Variants in AGMO observed in about 807,000 individuals in gnomAD.
AGMO encodes glyceryl-ether monooxygenase.
AGMO carries 75 observed loss-of-function variants against 60.2 expected under a neutral mutation model. The ratio of observed to expected loss-of-function variants is 1.25; its 90% confidence interval spans 1.03 to 1.51. The LOEUF (loss-of-function observed/expected upper bound fraction) is 1.51, where lower values mean the gene tolerates loss of function less well. Ranked by LOEUF, AGMO falls within the 40% of genes most tolerant of loss-of-function variation. AGMO has a pLI of 0.00. For missense variants in AGMO, 763 were observed against 525.5 expected, an observed-to-expected ratio of 1.45 and a Z score of -4.42; for synonymous variants, 261 against 177.1, an observed-to-expected ratio of 1.47 and a Z score of -3.76.
At chr7:15,258,838 T>C (rs1783181901) in intron 12 of AGMO, among the ~76,000 whole-genome samples, 1 of 152,082 alleles carries the variant, frequency 6.6e-6, no homozygotes, top group African/African-American at 2.4e-5. Context: ...ATCACTACAG[T>C]TTGGCTCTCA....
chr7:15,129,243 G>A, the AGMO span, among the ~76,000 whole-genome samples: 1 of 142,128 alleles, frequency 7.0e-6, no homozygotes, highest in Non-Finnish European at 1.6e-5. Context: ...AGGGCTGGTT[G>A]CTACAGGGTT....
rs886197692 is a variant in AGMO at position 15,365,008 on chromosome 7, G to C, written c.1263+506C>G. Among the ~76,000 whole-genome samples the C allele has an allele frequency of 2.0e-5, 3 of 151,914 alleles. 1 individual carries two copies. In the South Asian group the frequency reaches 6.2e-4, roughly 31 times the overall value. Reference sequence around the variant, plus strand: ...CAAAAGTTCAATGCAGTTCTTGGAAGATAAGAATTAACCATCACAGAAGAA... The same window carrying C: ...CAAAAGTTCAATGCAGTTCTTGGAACATAAGAATTAACCATCACAGAAGAA... On this transcript the variant is annotated intron_variant, in intron 12 of 12. Transcript: ENST00000342526.
At chr7:15,381,327 T>C (rs1783675053) in intron 10 of AGMO, among the ~76,000 whole-genome samples, 1 of 151,742 alleles carries the variant, frequency 6.6e-6, no homozygotes, top group Admixed American at 6.6e-5. Context: ...TAAACACATT[T>C]ACAAGAAAAA....
At chr7:15,328,932 T>G (rs563648573) in intron 12 of AGMO, among the ~76,000 whole-genome samples, 1 of 152,162 alleles carries the variant, frequency 6.6e-6, no homozygotes, top group Non-Finnish European at 1.5e-5. Flanking sequence ...GGAAGCATCC[T>G]TGCCCTCTAC....
intron 3 of AGMO, among the ~76,000 whole-genome samples, chr7:15,465,242 C>T (rs1583580070): frequency 6.6e-6 from 1 of 151,810 alleles, no homozygotes; most frequent in East Asian, 2.0e-4. Flanking sequence ...CCATGCCACT[C>T]CCTCTCTTCT....
intron 3 of AGMO, among the ~76,000 whole-genome samples, chr7:15,450,714 C>G (rs1380761149): frequency 6.6e-6 from 1 of 152,012 alleles, no homozygotes; most frequent in African/African-American, 2.4e-5. Context: ...TACAATTTAG[C>G]AAATAATGTG....
At chr7:15,481,941 A>G (rs1782764314) in intron 3 of AGMO, among the ~76,000 whole-genome samples, 1 of 152,008 alleles carries the variant, frequency 6.6e-6, no homozygotes. Flanking sequence ...AAATTAAGCA[A>G]TGTAGTTGTA....
At chr7:15,152,803 G>T in the AGMO span, among the ~76,000 whole-genome samples, 3 of 152,088 alleles carry the variant, frequency 2.0e-5, no homozygotes, top group Non-Finnish European at 2.9e-5. Context: ...TGCTATAAAG[G>T]TGTGTATGCA....
the AGMO span, among the ~76,000 whole-genome samples, chr7:15,117,363 C>G: frequency 6.6e-6 from 1 of 151,992 alleles, no homozygotes; most frequent in Admixed American, 6.6e-5. Flanking sequence ...ATGTCCATAA[C>G]TGACTTGTAG....
At chr7:15,370,441 G>A (rs1373076166) in intron 10 of AGMO, among the ~76,000 whole-genome samples, 1 of 152,140 alleles carries the variant, frequency 6.6e-6, no homozygotes, top group African/African-American at 2.4e-5. Flanking sequence ...TCAAATGGTA[G>A]TTCTAAGTTC....
chr7:15,556,427 T>G lies in AGMO; in HGVS notation c.257+3714A>C, dbSNP rs910048068. Among the ~76,000 whole-genome samples the G allele has an allele frequency of 2.0e-5, 3 of 152,014 alleles. 1 individual carries two copies. Among genetic ancestry groups the G allele is most frequent in the Non-Finnish European group, 1.5e-5 (1 of 67,948 alleles). ...AAAATTTACCTACTTAAATTATCCC[T>G]CTAACCTATTGCAATTTGATTTATA... On this transcript the variant is annotated intron_variant, in intron 2 of 12. Transcript: ENST00000342526.
chr7:15,337,593 G>A (rs1781702719), intron 12 of AGMO, among the ~76,000 whole-genome samples: 1 of 152,170 alleles, frequency 6.6e-6, no homozygotes, highest in Non-Finnish European at 1.5e-5. Flanking sequence ...ATGTAGAGAA[G>A]AGGTCATTAC....
intron 12 of AGMO, among the ~76,000 whole-genome samples, chr7:15,318,675 G>C (rs555112700): frequency 6.6e-6 from 1 of 152,068 alleles, no homozygotes; most frequent in Admixed American, 6.5e-5. Flanking sequence ...CCATTTATGA[G>C]GAAATTTAAT....
intron 2 of AGMO, among the ~76,000 whole-genome samples, chr7:15,549,182 G>A (rs1784873294): frequency 6.9e-6 from 1 of 144,658 alleles, no homozygotes; most frequent in South Asian, 2.4e-4. Flanking sequence ...AACATGGAAA[G>A]GAACAACCGG....
At chr7:15,394,832 T>TC (rs1410849958) in intron 5 of AGMO, among the ~76,000 whole-genome samples, 1 of 152,192 alleles carries the variant, frequency 6.6e-6, no homozygotes, top group Non-Finnish European at 1.5e-5. Context: ...AGAGGCATGG[T>TC]CTACCATTAC....
intron 12 of AGMO, among the ~76,000 whole-genome samples, chr7:15,353,809 TA>T (rs1191176991): frequency 6.6e-6 from 1 of 152,190 alleles, no homozygotes; most frequent in Non-Finnish European, 1.5e-5. Context: ...GTTGGTACTT[TA>T]AAAATAACAG....
chr7:15,293,633 T>G (rs1050143085), intron 12 of AGMO, among the ~76,000 whole-genome samples: 6 of 152,192 alleles, frequency 3.9e-5, no homozygotes, highest in African/African-American at 1.4e-4. Context: ...ACACCAATGA[T>G]TAAATTCGAT....
At chr7:15,209,101 G>T (rs569743661) in intron 12 of AGMO, among the ~76,000 whole-genome samples, 1 of 152,290 alleles carries the variant, frequency 6.6e-6, no homozygotes, top group South Asian at 2.1e-4. Context: ...GACTGGCAGT[G>T]TCGCCCATTT....
At chr7:15,515,618 C>G (rs1016202937) in intron 3 of AGMO, among the ~76,000 whole-genome samples, 1 of 152,206 alleles carries the variant, frequency 6.6e-6, no homozygotes, top group Admixed American at 6.5e-5. Flanking sequence ...ATATCTGTCT[C>G]CAACTAGAAC....
Sources: allele counts gnomAD v4.1 joint callset (sites outside exome capture counted in the v4.1 genomes callset), GRCh38; gene constraint gnomAD v4.1.1; transcripts MANE v1.5; gene names NCBI Gene and HGNC (gene_info 2026-07-23, HGNC 2026-07-21).